Variants in AKR1C8 observed in about 807,000 individuals in gnomAD.
The protein encoded by AKR1C8 is aldo-keto reductase family 1 member C8.
At chr10:5,168,867 A>G in the AKR1C8 span, among the ~76,000 whole-genome samples, 10 of 152,240 alleles carry the variant, frequency 6.6e-5, no homozygotes, top group African/African-American at 2.2e-4. Context: ...GTACATATTA[A>G]AAGACTGACA....
chr10:5,118,307 T>C, the AKR1C8 span, among the ~76,000 whole-genome samples: 132,560 of 151,954 alleles, frequency 0.87, 58,090 homozygotes, highest in African/African-American at 0.96. Context: ...AAACTTAAAG[T>C]TTCAAGGTAA....
the AKR1C8 span, chr10:5,157,689 TC>T: frequency 2.1e-6 from 1 of 472,774 alleles, no homozygotes; most frequent in Non-Finnish European, 4.4e-6. Context: ...GCACCACCAC[TC>T]CCCGCTGCAG....
chr10:5,135,931 A>G, the AKR1C8 span, among the ~76,000 whole-genome samples: 1 of 152,084 alleles, frequency 6.6e-6, no homozygotes, highest in Non-Finnish European at 1.5e-5. Flanking sequence ...AGTCCTGATG[A>G]TGTTGTAATC....
the AKR1C8 span, among the ~76,000 whole-genome samples, chr10:5,119,837 C>A: frequency 1.3e-5 from 2 of 152,190 alleles, no homozygotes; most frequent in Non-Finnish European, 2.9e-5. Context: ...ATTTATAATT[C>A]TTTTCCCACT....
At chr10:5,169,670 C>T in the AKR1C8 span, among the ~76,000 whole-genome samples, 1 of 151,476 alleles carries the variant, frequency 6.6e-6, no homozygotes, top group Non-Finnish European at 1.5e-5. Context: ...CTGAGATTAT[C>T]TATCAGATAT....
chr10:5,115,936 A>T, the AKR1C8 span, among the ~76,000 whole-genome samples: 1 of 152,136 alleles, frequency 6.6e-6, no homozygotes, highest in Non-Finnish European at 1.5e-5. Flanking sequence ...AGTATTGATG[A>T]CTACCTTCTT....
At chr10:5,131,758 A>G in the AKR1C8 span, among the ~76,000 whole-genome samples, 1 of 152,144 alleles carries the variant, frequency 6.6e-6, no homozygotes, top group Non-Finnish European at 1.5e-5. Context: ...GTAAATGAGT[A>G]AAACTCCTAT....
chr10:5,173,489 T>G, the AKR1C8 span, among the ~76,000 whole-genome samples: 1 of 151,890 alleles, frequency 6.6e-6, no homozygotes, highest in South Asian at 2.1e-4. Flanking sequence ...GAGAAGCAGA[T>G]GCAAAGGCAT....
At chr10:5,166,954 C>CAAA in the AKR1C8 span, among the ~76,000 whole-genome samples, 1 of 147,620 alleles carries the variant, frequency 6.8e-6, no homozygotes, top group Non-Finnish European at 1.5e-5. Flanking sequence ...AAAAAAAAAC[C>CAAA]CATCAAAAAG....
At chr10:5,158,414 A>T in the AKR1C8 span, among the ~76,000 whole-genome samples, 2 of 152,230 alleles carry the variant, frequency 1.3e-5, no homozygotes, top group Non-Finnish European at 2.9e-5. Flanking sequence ...TAGATGAAAC[A>T]GGAAGGAAAG....
At chr10:5,118,510 G>T in the AKR1C8 span, among the ~76,000 whole-genome samples, 1 of 152,124 alleles carries the variant, frequency 6.6e-6, no homozygotes, top group Non-Finnish European at 1.5e-5. Flanking sequence ...GAAAGTTAGA[G>T]TAGTATCTTT....
the AKR1C8 span, among the ~76,000 whole-genome samples, chr10:5,140,727 C>T: frequency 6.6e-6 from 1 of 151,736 alleles, no homozygotes; most frequent in Non-Finnish European, 1.5e-5. Flanking sequence ...TGCAAACCAA[C>T]ATGGCACATG....
chr10:5,156,813 C>T, the AKR1C8 span, among the ~76,000 whole-genome samples: 1 of 152,090 alleles, frequency 6.6e-6, no homozygotes, highest in Non-Finnish European at 1.5e-5. Flanking sequence ...GAAATAAATA[C>T]ATTATATATG....
chr10:5,138,601 A>G, the AKR1C8 span, among the ~76,000 whole-genome samples: 1 of 152,178 alleles, frequency 6.6e-6, no homozygotes, highest in African/African-American at 2.4e-5. Flanking sequence ...GCTTATGAAG[A>G]TAACAGGATT....
the AKR1C8 span, chr10:5,157,528 G>C: frequency 5.4e-6 from 2 of 367,010 alleles, no homozygotes; most frequent in African/African-American, 4.2e-5. Context: ...TTAGCACAGA[G>C]TGGAGAGCAC....
At chr10:5,179,298 A>T in the AKR1C8 span, among the ~76,000 whole-genome samples, 2 of 152,262 alleles carry the variant, frequency 1.3e-5, no homozygotes, top group Non-Finnish European at 2.9e-5. Flanking sequence ...AAGGATGTTG[A>T]ATATTGGCCC....
At chr10:5,140,793 T>A in the AKR1C8 span, among the ~76,000 whole-genome samples, 4 of 150,636 alleles carry the variant, frequency 2.7e-5, no homozygotes, top group South Asian at 8.3e-4. Flanking sequence ...GCAACATACC[T>A]GCACATTGTG....
chr10:5,166,884 A>G, the AKR1C8 span, among the ~76,000 whole-genome samples: 1 of 151,894 alleles, frequency 6.6e-6, no homozygotes, highest in Non-Finnish European at 1.5e-5. Context: ...TTTGCAATCT[A>G]CTCATCTGAC....
the AKR1C8 span, among the ~76,000 whole-genome samples, chr10:5,121,386 G>A: frequency 1.3e-5 from 2 of 152,104 alleles, no homozygotes; most frequent in African/African-American, 4.8e-5. Context: ...AGGCCATAGG[G>A]GACACCTCAG....
Sources: gnomAD v4.1 joint callset for allele counts (sites outside exome capture counted in the v4.1 genomes callset) on GRCh38, gnomAD v4.1.1 for gene constraint, MANE v1.5 for transcripts, NCBI Gene and HGNC (gene_info 2026-07-23, HGNC 2026-07-21) for gene names.